SLC16A9: variants seen among roughly 807,000 people sequenced by gnomAD.
SLC16A9 encodes monocarboxylate transporter 9.
SLC16A9 carries 26 observed loss-of-function variants against 44.3 expected under a neutral mutation model. The ratio of observed to expected loss-of-function variants is 0.59; its 90% CI spans 0.43 to 0.81. The LOEUF is 0.81. SLC16A9 is among the 40% of genes least tolerant of loss of function. The pLI is 0.00. For synonymous variants in SLC16A9, 230 were observed against 225.1 expected (o/e 1.02, Z -0.19); for missense variants, 559 against 595.8 (o/e 0.94, Z 0.64).
chr10:59,697,800 G>C (rs1434735633), intron 1 of SLC16A9, among the ~76,000 whole-genome samples: 1 of 150,430 alleles, frequency 6.6e-6, no homozygotes, highest in African/African-American at 2.4e-5. Context: ...AAAAAGATCA[G>C]AGGCTTCTTA....
At chr10:59,667,532 TTGAAA>T (rs1209778110) in intron 3 of SLC16A9, among the ~76,000 whole-genome samples, 3 of 152,362 alleles carry the variant, frequency 2.0e-5, no homozygotes, top group South Asian at 4.1e-4. Context: ...ATTCGTTATC[TTGAAA>T]TGAATAGCTA....
In SLC16A9 at chr10:59,684,157, A is replaced by G. The variant is rs754685030; in HGVS notation, c.135T>C (p.Gly45=). ...CCCAGGCTGTTTTTCCTTTTCCTTCACCAAAGGCATCCAGCCATTCTATGT... is the reference window on the plus strand; with the variant it reads ...CCCAGGCTGTTTTTCCTTTTCCTTCGCCAAAGGCATCCAGCCATTCTATGT... The part of the protein sequence containing the change: ...VLYIEWLDAF[G]EGKGKTAWVG... The change falls in exon 2 of 6, where the codon GGT becomes GGC. Residue 45 remains glycine (G), a synonymous_variant. Coordinates refer to ENST00000395348, the MANE Select transcript of SLC16A9 (RefSeq NM_194298.3). 6.2e-7 allele frequency: 1 copy of G among 1,614,004 alleles called. No individual in the cohort carries two copies. Among genetic ancestry groups the G allele is most frequent in the Admixed American group, 1.7e-5 (1 of 60,018 alleles).
intron 2 of SLC16A9, among the ~76,000 whole-genome samples, chr10:59,682,265 A>T (rs1450643751): frequency 6.6e-6 from 1 of 152,066 alleles, no homozygotes; most frequent in Non-Finnish European, 1.5e-5. Context: ...AGGATCCCAC[A>T]CTTGGTTTAG....
intron 2 of SLC16A9, among the ~76,000 whole-genome samples, chr10:59,679,711 G>C (rs1043514481): frequency 2.0e-5 from 3 of 152,168 alleles, no homozygotes; most frequent in African/African-American, 7.2e-5. Context: ...ATGTAACCTA[G>C]CCAAGTTGAA....
At chr10:59,685,960 T>G (rs1245174754) in intron 1 of SLC16A9, among the ~76,000 whole-genome samples, 1 of 145,680 alleles carries the variant, frequency 6.9e-6, no homozygotes, top group East Asian at 2.1e-4. Context: ...CATCATAGTT[T>G]CAACTTGCAT....
In SLC16A9 at chr10:59,690,957, C is replaced by T. The variant is rs954382084; in HGVS notation, c.-36-6630G>A. On this transcript the variant is annotated intron_variant, in intron 1 of 5. Coordinates refer to ENST00000395348, the MANE Select transcript of SLC16A9 (RefSeq NM_194298.3). ...AAAATTATCTGGGCATGGTGGCACG[C>T]GCCTGTAATCCCAGCTACTCAGGAG... Among the ~76,000 whole-genome samples the T allele has an allele frequency of 1.1e-4, 16 of 152,186 alleles. 1 individual carries two copies. The highest frequency in any genetic ancestry group is 2.1e-4 in the South Asian group (1 of 4,814).
At chr10:59,689,120 C>T (rs1006501885) in intron 1 of SLC16A9, among the ~76,000 whole-genome samples, 5 of 152,094 alleles carry the variant, frequency 3.3e-5, no homozygotes, top group Middle Eastern at 3.2e-3. Flanking sequence ...GTTTTTATAG[C>T]GATGACTAAC....
rs187378825 is a variant in SLC16A9 at position 59,683,110 on chromosome 10, T to A, written c.196+986A>T. Among the ~76,000 whole-genome samples the A allele has an allele frequency of 9.7e-4, 148 of 152,304 alleles. 1 individual carries two copies. Among genetic ancestry groups the A allele is most frequent in the Admixed American group, 7.0e-3 (107 of 15,302 alleles). On this transcript the variant is annotated intron_variant, in intron 2 of 5. Transcript: ENST00000395348. ...ACCATTTTAGAGCTGAAAAATACCT[T>A]ACAAATCATATTTAATGTCCTTATT...
chr10:59,654,247 G>A lies in SLC16A9; in HGVS notation c.779C>T (p.Thr260Ile), dbSNP rs763530206. Reference sequence around the variant, plus strand: ...GTACGTTTCAGGCTCTTTTGTGTGTGTCACTGTGGGGTTTTTATGAAGTAG... The same window carrying A: ...GTACGTTTCAGGCTCTTTTGTGTGTATCACTGTGGGGTTTTTATGAAGTAG... ...DSLLHKNPTV[T>I]HTKEPETYKK... is the part of the protein sequence containing the mutation. The change falls in exon 5 of 6, where the codon ACA becomes ATA. Residue 260 changes from threonine to isoleucine, a missense_variant. Thr to Ile is a moderately conservative substitution (Grantham distance 89). Coordinates refer to ENST00000395348, the MANE Select transcript of SLC16A9 (RefSeq NM_194298.3). 1.9e-6 allele frequency: 3 copies of A among 1,614,128 alleles called. No homozygotes were observed. The highest frequency in any genetic ancestry group is 3.3e-5 in the Admixed American group (2 of 60,026).
At chr10:59,672,454 G>A (rs1564701660) in intron 3 of SLC16A9, among the ~76,000 whole-genome samples, 2 of 152,162 alleles carry the variant, frequency 1.3e-5, no homozygotes, top group East Asian at 3.9e-4. Context: ...AGAAGTGACA[G>A]ATGTCAATAA....
intron 4 of SLC16A9, among the ~76,000 whole-genome samples, chr10:59,659,369 C>G (rs1008346013): frequency 6.6e-6 from 1 of 152,056 alleles, no homozygotes; most frequent in African/African-American, 2.4e-5. Context: ...AATTTTCGTT[C>G]CTTTTCTCCT....
At chr10:59,706,843 A>G (rs954077540) in intron 1 of SLC16A9, among the ~76,000 whole-genome samples, 2 of 151,950 alleles carry the variant, frequency 1.3e-5, no homozygotes, top group African/African-American at 4.8e-5. Context: ...GCATGGTGGC[A>G]CGCACCTGTA....
chr10:59,668,593 C>T (rs1310491652), intron 3 of SLC16A9, among the ~76,000 whole-genome samples: 1 of 152,172 alleles, frequency 6.6e-6, no homozygotes, highest in Non-Finnish European at 1.5e-5. Flanking sequence ...TTGGCAAAGT[C>T]ATTTAAACTC....
chr10:59,657,524 A>T (rs1471548447), intron 4 of SLC16A9, among the ~76,000 whole-genome samples: 1 of 152,182 alleles, frequency 6.6e-6, no homozygotes, highest in African/African-American at 2.4e-5. Flanking sequence ...GCTCCCTGTG[A>T]GTTGAAACTG....
chr10:59,675,537 G>C (rs1373547219), intron 2 of SLC16A9, among the ~76,000 whole-genome samples: 1 of 152,166 alleles, frequency 6.6e-6, no homozygotes, highest in Non-Finnish European at 1.5e-5. Flanking sequence ...TCTCCCAGTA[G>C]ACAGAAAACA....
intron 1 of SLC16A9, among the ~76,000 whole-genome samples, chr10:59,694,094 C>T (rs965011959): frequency 6.6e-6 from 1 of 152,006 alleles, no homozygotes; most frequent in South Asian, 2.1e-4. Context: ...CCCGCCACCA[C>T]GCCCGGTAAC....
chr10:59,695,176 G>A (rs1165747972), intron 1 of SLC16A9, among the ~76,000 whole-genome samples: 1 of 152,002 alleles, frequency 6.6e-6, no homozygotes, highest in Non-Finnish European at 1.5e-5. Context: ...GAGAAATGGG[G>A]AGTGACTGCT....
At chr10:59,687,605 T>C (rs897262059) in intron 1 of SLC16A9, among the ~76,000 whole-genome samples, 1 of 152,216 alleles carries the variant, frequency 6.6e-6, no homozygotes, top group African/African-American at 2.4e-5. Flanking sequence ...TTTTACTTCA[T>C]AGGCAAAATT....
rs912122167 is a variant in SLC16A9 at position 59,709,459 on chromosome 10, C to G, written c.-37+20G>C. 5.2e-5 allele frequency: 8 copies of G among 152,500 alleles called. No homozygotes were observed. Among genetic ancestry groups the G allele is most frequent in the African/African-American group, 1.9e-4 (8 of 41,472 alleles). The allele number at this position is 152,500 out of a possible 1,614,324, so 9.4% of individuals were successfully genotyped here. A position where few individuals can be genotyped will look rare whatever the true frequency, so the allele number is the denominator to read the frequency against. On this transcript the variant is annotated intron_variant, in intron 1 of 5. Coordinates refer to ENST00000395348, the MANE Select transcript of SLC16A9 (RefSeq NM_194298.3). The stretch of plus-strand genomic sequence containing the variant: ...TGCTGCCCACCTTTGGAACCCTCCC[C>G]GCAAGCTCCAGCCCTTTACCTGAGT...
Sources: allele counts gnomAD v4.1 joint callset (sites outside exome capture counted in the v4.1 genomes callset), GRCh38; gene constraint gnomAD v4.1.1; transcripts MANE v1.5; gene names NCBI Gene and HGNC (gene_info 2026-07-23, HGNC 2026-07-21).